The following ADAMTS6 variants were observed in gnomAD, a reference collection of about 807,000 sequenced individuals.
The protein encoded by ADAMTS6 is A disintegrin and metalloproteinase with thrombospondin motifs 6.
Under a neutral mutation model 144.3 loss-of-function variants are expected in ADAMTS6, and 23 were observed. That is an observed-to-expected ratio of 0.16 (90% confidence interval 0.11 to 0.23). The LOEUF (loss-of-function observed/expected upper bound fraction) is 0.23, where lower values mean the gene tolerates loss of function less well. Ranked by LOEUF, ADAMTS6 falls within the 10% of genes least tolerant of loss-of-function variation. The pLI is 1.00. For synonymous variants in ADAMTS6, 444 were observed against 457.5 expected (o/e 0.97, Z 0.38); for missense variants, 999 against 1,379.6 (o/e 0.72, Z 4.37).
intron 7 of ADAMTS6, among the ~76,000 whole-genome samples, chr5:65,438,595 A>T (rs1372653427): frequency 6.6e-6 from 1 of 152,170 alleles, no homozygotes; most frequent in Non-Finnish European, 1.5e-5. Context: ...TTTAACAGGC[A>T]GTGTCAGAAA....
At chr5:65,434,201 A>C (rs1179245081) in intron 7 of ADAMTS6, among the ~76,000 whole-genome samples, 1 of 152,228 alleles carries the variant, frequency 6.6e-6, no homozygotes, top group Non-Finnish European at 1.5e-5. Context: ...AATTTCAGGC[A>C]AATCTATACA....
rs1402003565 is a variant in ADAMTS6 at position 65,254,952 on chromosome 5, GT to G, written c.1830+5647del. Among the ~76,000 whole-genome samples, 7 of 152,326 alleles carry G rather than the reference GT, an allele frequency of 4.6e-5. No homozygotes were observed. In the South Asian group the frequency reaches 1.4e-3, roughly 32 times the overall value. ...TGGTACATAGTAGTGCTCAGTAAAT[GT>G]CAGCAGCAGTTGCTCCTACTACTAC... is the stretch of plus-strand genomic sequence containing the variant. On this transcript the variant is annotated intron_variant, in intron 14 of 24. Transcript: ENST00000381055.
chr5:65,429,426 T>A (rs1030384173), intron 7 of ADAMTS6, among the ~76,000 whole-genome samples: 2 of 152,228 alleles, frequency 1.3e-5, no homozygotes, highest in Non-Finnish European at 2.9e-5. Context: ...ATATTAATGA[T>A]GTGATTAATA....
intron 24 of ADAMTS6, among the ~76,000 whole-genome samples, chr5:65,158,943 A>G (rs1752588179): frequency 6.6e-6 from 1 of 151,514 alleles, no homozygotes; most frequent in Admixed American, 6.6e-5. Context: ...TTATTTTTTA[A>G]TCTTATTCAA....
chr5:65,338,312 G>T (rs1225652177), intron 7 of ADAMTS6, among the ~76,000 whole-genome samples: 1 of 152,214 alleles, frequency 6.6e-6, no homozygotes, highest in East Asian at 1.9e-4. Flanking sequence ...GTAGATGAAT[G>T]CATATGTTGC....
intron 7 of ADAMTS6, among the ~76,000 whole-genome samples, chr5:65,424,735 T>C (rs1409182492): frequency 1.3e-5 from 2 of 152,220 alleles, no homozygotes; most frequent in Non-Finnish European, 2.9e-5. Flanking sequence ...ACCTCAATTC[T>C]ATTTTAAAAA....
chr5:65,413,991 A>G (rs1207626983), intron 7 of ADAMTS6, among the ~76,000 whole-genome samples: 5 of 152,210 alleles, frequency 3.3e-5, no homozygotes. Flanking sequence ...AACAGCAGGC[A>G]TGAAGTACTC....
rs913743788 is a variant in ADAMTS6 at position 65,267,813 on chromosome 5, G to T, written c.1621-4851C>A. On this transcript the variant is annotated intron_variant, in intron 12 of 24. Coordinates refer to ENST00000381055, the MANE Select transcript of ADAMTS6 (RefSeq NM_197941.4). The stretch of plus-strand genomic sequence containing the variant: ...ACCTCTAAGGAAATTCTAAGATTTT[G>T]CAGGAAGTAATATTAGTGATTCAAT... Among the ~76,000 whole-genome samples, 13 of 152,210 alleles carry T rather than the reference G, an allele frequency of 8.5e-5. No homozygotes were observed. In the East Asian group the frequency reaches 1.9e-3, roughly 23 times the overall value.
intron 11 of ADAMTS6, among the ~76,000 whole-genome samples, chr5:65,285,429 A>G (rs1441684672): frequency 6.6e-6 from 1 of 152,142 alleles, no homozygotes; most frequent in Non-Finnish European, 1.5e-5. Context: ...CCCATATGCC[A>G]GGCATTGAAC....
intron 18 of ADAMTS6, among the ~76,000 whole-genome samples, chr5:65,218,248 T>C (rs944624251): frequency 2.0e-5 from 3 of 152,218 alleles, no homozygotes; most frequent in Admixed American, 1.3e-4. Context: ...AGAAGAATCA[T>C]GCTTTTGCAG....
chr5:65,417,030 A>G (rs1755590978), intron 7 of ADAMTS6, among the ~76,000 whole-genome samples: 1 of 152,206 alleles, frequency 6.6e-6, no homozygotes, highest in South Asian at 2.1e-4. Context: ...TTAATTCACC[A>G]TGATAAAGGA....
chr5:65,157,306 G>A (rs1371164189), intron 24 of ADAMTS6, among the ~76,000 whole-genome samples: 1 of 152,204 alleles, frequency 6.6e-6, no homozygotes, highest in East Asian at 1.9e-4. Flanking sequence ...TGACCTAAAA[G>A]ACTTGCTTTC....
intron 7 of ADAMTS6, among the ~76,000 whole-genome samples, chr5:65,416,894 G>T (rs1246469737): frequency 6.6e-6 from 1 of 151,952 alleles, no homozygotes; most frequent in African/African-American, 2.4e-5. Flanking sequence ...CAGCATCACT[G>T]TAATACCAAA....
intron 14 of ADAMTS6, among the ~76,000 whole-genome samples, chr5:65,247,818 C>T (rs1156549213): frequency 6.6e-6 from 1 of 152,156 alleles, no homozygotes; most frequent in Non-Finnish European, 1.5e-5. Flanking sequence ...TCTGCTTCTT[C>T]CTTTTGCTTT....
rs745842089 is a variant in ADAMTS6 at position 65,224,388 on chromosome 5, A to G, written c.2204T>C (p.Val735Ala). 1.2e-6 allele frequency: 2 copies of G among 1,614,088 alleles called. No individual in the cohort carries two copies. Among genetic ancestry groups the G allele is most frequent in the Non-Finnish European group, 8.5e-7 (1 of 1,179,980 alleles). ...DSLPRGGYME[V>A]VQIPRGSVHI... ...AACAGAGCCTCTTGGTATCTGCACC[A>G]CTTCCATGTAGCCTGGAACACAGAA... Residue 735 changes from valine to alanine, a missense_variant, in exon 18 of 25, where the codon GTG becomes GCG. Val to Ala is a moderately conservative substitution (Grantham distance 64). Coordinates refer to ENST00000381055, the MANE Select transcript of ADAMTS6 (RefSeq NM_197941.4).
chr5:65,236,971 G>A (rs1342754815), intron 15 of ADAMTS6, among the ~76,000 whole-genome samples: 1 of 151,890 alleles, frequency 6.6e-6, no homozygotes, highest in African/African-American at 2.4e-5. Flanking sequence ...AGAAATGAAA[G>A]CATACATCAC....
chr5:65,200,776 T>C (rs185069884), intron 20 of ADAMTS6, among the ~76,000 whole-genome samples: 2 of 152,328 alleles, frequency 1.3e-5, no homozygotes, highest in South Asian at 2.1e-4. Context: ...GGCTTCATAT[T>C]ACGAAAGTTA....
At chr5:65,259,561 C>T (rs1760986419) in intron 14 of ADAMTS6, among the ~76,000 whole-genome samples, 1 of 152,084 alleles carries the variant, frequency 6.6e-6, no homozygotes, top group African/African-American at 2.4e-5. Context: ...ATGGAAATCA[C>T]CTGTGACTTA....
At chr5:65,368,774 G>C (rs1403021351) in intron 7 of ADAMTS6, among the ~76,000 whole-genome samples, 2 of 152,182 alleles carry the variant, frequency 1.3e-5, no homozygotes, top group Non-Finnish European at 2.9e-5. Context: ...CAATGACTTG[G>C]CCAGGCTTGG....
Sources: allele counts gnomAD v4.1 joint callset (sites outside exome capture counted in the v4.1 genomes callset), GRCh38; gene constraint gnomAD v4.1.1; transcripts MANE v1.5; gene names NCBI Gene and HGNC (gene_info 2026-07-23, HGNC 2026-07-21).